The following TIGAR variants were observed in gnomAD, a reference collection of about 807,000 sequenced individuals.
TIGAR encodes TP53 induced glycolysis regulatory phosphatase, also known as fructose-2,6-bisphosphatase TIGAR.
TIGAR carries 7 observed loss-of-function variants against 17.9 expected under a neutral mutation model. That is an observed-to-expected ratio of 0.39 (90% CI 0.22 to 0.73). The LOEUF is 0.73. Ranked by LOEUF, TIGAR falls within the 30% of genes least tolerant of loss-of-function variation. The pLI, the probability that TIGAR is intolerant of heterozygous loss-of-function variation, is 0.42. For missense variants in TIGAR, 258 were observed against 327.4 expected, an observed-to-expected ratio of 0.79 and a Z score of 1.64; for synonymous variants, 94 against 108.6, an observed-to-expected ratio of 0.87 and a Z score of 0.84.
Position 4,356,379 on chromosome 12 carries a change from T to G in TIGAR, c.*3688T>G, listed in dbSNP as rs1247066838. Among the ~76,000 whole-genome samples the G allele has an allele frequency of 6.6e-6, 1 of 152,120 alleles. No individual in the cohort carries two copies. The highest frequency in any genetic ancestry group is 1.5e-5 in the Non-Finnish European group (1 of 68,040). Reference sequence around the variant, plus strand: ...TTTTATTTGTAATATTTTCCCGGTTTTTGATTGTTTTTTAACAAATGAATT... The same window carrying G: ...TTTTATTTGTAATATTTTCCCGGTTGTTGATTGTTTTTTAACAAATGAATT... On this transcript the variant is annotated 3_prime_UTR_variant, in exon 6 of 6. Transcript: ENST00000179259.
At chr12:4,326,442 A>G (rs1864546959) in intron 1 of TIGAR, among the ~76,000 whole-genome samples, 1 of 152,234 alleles carries the variant, frequency 6.6e-6, no homozygotes, top group Non-Finnish European at 1.5e-5. Flanking sequence ...ACAACTAAAT[A>G]TTTATGAAAG....
At chr12:4,340,681 C>T (rs939064276) in intron 3 of TIGAR, among the ~76,000 whole-genome samples, 1 of 152,184 alleles carries the variant, frequency 6.6e-6, no homozygotes, top group African/African-American at 2.4e-5. Context: ...TAGCATGGTA[C>T]TGACATAAAA....
intron 1 of TIGAR, among the ~76,000 whole-genome samples, chr12:4,330,571 T>C (rs1170274375): frequency 6.6e-6 from 1 of 152,246 alleles, no homozygotes; most frequent in African/African-American, 2.4e-5. Context: ...TCCTGCTGTC[T>C]GTCCAGTCTT....
At chr12:4,339,946 C>G (rs1280589017) in intron 3 of TIGAR, among the ~76,000 whole-genome samples, 1 of 152,202 alleles carries the variant, frequency 6.6e-6, no homozygotes, top group African/African-American at 2.4e-5. Context: ...ATGCAATAGA[C>G]CCACAGCTTA....
chr12:4,341,867 C>T (rs866284954), intron 3 of TIGAR, among the ~76,000 whole-genome samples: 21 of 152,200 alleles, frequency 1.4e-4, no homozygotes, highest in Middle Eastern at 3.2e-3. Context: ...TCACCAGCAA[C>T]GGAACAAAGC....
intron 2 of TIGAR, among the ~76,000 whole-genome samples, 168 bp from the exon 3 acceptor site, chr12:4,336,871 A>C (rs4765778): frequency 0.96 from 145,789 of 152,300 alleles, 70,102 homozygotes; most frequent in East Asian, 1. Context: ...TAAAGACTTA[A>C]AACTTATTTT....
chr12:4,357,396 T>C lies in TIGAR; in HGVS notation c.*4705T>C, dbSNP rs569114475. Among the ~76,000 whole-genome samples the C allele has an allele frequency of 2.0e-5, 3 of 152,184 alleles. No homozygotes were observed. The highest frequency in any genetic ancestry group is 4.4e-5 in the Non-Finnish European group (3 of 68,036). ...AGATGCAAAGGAAAGAAGTATTCAG[T>C]AGAGCGGTGGTGCTGGGCTGAGTAC... is the stretch of plus-strand genomic sequence containing the variant. On this transcript the variant is annotated 3_prime_UTR_variant, in exon 6 of 6. Transcript: ENST00000179259.
At chr12:4,337,811 T>G (rs1429331517) in intron 3 of TIGAR, among the ~76,000 whole-genome samples, 1 of 152,122 alleles carries the variant, frequency 6.6e-6, no homozygotes, top group Non-Finnish European at 1.5e-5. Context: ...TTGTTAGAAA[T>G]ATCTTCAGGG....
intron 2 of TIGAR, among the ~76,000 whole-genome samples, chr12:4,332,550 C>T (rs2077034851): frequency 6.6e-6 from 1 of 152,118 alleles, no homozygotes; most frequent in South Asian, 2.1e-4. Flanking sequence ...GGCCTCAAGG[C>T]TTATATATTC....
In TIGAR at chr12:4,355,517, A is replaced by G. The variant is rs1386404975; in HGVS notation, c.*2826A>G. Among the ~76,000 whole-genome samples the G allele has an allele frequency of 6.6e-6, 1 of 152,182 alleles. No homozygotes were observed. Among genetic ancestry groups the G allele is most frequent in the Non-Finnish European group, 1.5e-5 (1 of 68,044 alleles). ...TTCTTCCATATAAATTTTGGAATCA[A>G]TTGGTCAATTTCCAGAAAAATTCTG... On this transcript the variant is annotated 3_prime_UTR_variant, in exon 6 of 6. Transcript: ENST00000179259.
Position 4,349,914 on chromosome 12 carries a change from A to G in TIGAR, c.270+18A>G. The stretch of plus-strand genomic sequence containing the variant: ...GGGAAAGGGTGAGTAACTTATTTAC[A>G]TATTGTTCTTCCCCATAAATTATCA... On this transcript the variant is annotated intron_variant, in intron 4 of 5. Transcript: ENST00000179259. The G allele has an allele frequency of 6.6e-7, 1 of 1,513,248 alleles. No individual in the cohort carries two copies. The highest frequency in any genetic ancestry group is 1.7e-4 in the Middle Eastern group (1 of 5,828). The allele number at this position is 1,513,248 out of a possible 1,614,324, so 93.7% of individuals were successfully genotyped here.
At chr12:4,331,455 A>G (rs902076361) in intron 2 of TIGAR, 138 bp downstream of exon 2, 3 of 802,986 alleles carry the variant, frequency 3.7e-6, no homozygotes, top group Non-Finnish European at 6.3e-6. Context: ...AAGCATCATA[A>G]CCACAGAAAT....
intron 1 of TIGAR, among the ~76,000 whole-genome samples, chr12:4,327,750 C>T (rs1341047729): frequency 6.6e-6 from 1 of 152,170 alleles, no homozygotes; most frequent in East Asian, 1.9e-4. Context: ...TCACTGCAGC[C>T]TCCGCCTCCT....
chr12:4,321,449 G>C lies in TIGAR; in HGVS notation c.32+146G>C. On this transcript the variant is annotated intron_variant, in intron 1 of 5. Coordinates refer to ENST00000179259, the MANE Select transcript of TIGAR (RefSeq NM_020375.3). This position sits in a 1 kb window ranked among gnomAD's most constrained non-coding sequence, Gnocchi z 5.2. ...GGCTTGGAAGCGCTTTTTCCGGGGC[G>C]CTTGCCCTGGGGCCGTCCCGTGTCG... is the stretch of plus-strand genomic sequence containing the variant. 1.7e-6 allele frequency: 2 copies of C among 1,194,588 alleles called. No individual in the cohort carries two copies. The highest frequency in any genetic ancestry group is 5.2e-5 in the East Asian group (2 of 38,384). The allele number at this position is 1,194,588 out of a possible 1,614,324, so 74.0% of individuals were successfully genotyped here.
intron 2 of TIGAR, among the ~76,000 whole-genome samples, chr12:4,331,840 C>T (rs1339165631): frequency 6.6e-6 from 1 of 152,152 alleles, no homozygotes; most frequent in African/African-American, 2.4e-5. Flanking sequence ...TCCAGCTAGT[C>T]TGGCTTTTTA....
chr12:4,344,717 G>T (rs1864761406), intron 3 of TIGAR, among the ~76,000 whole-genome samples: 1 of 152,078 alleles, frequency 6.6e-6, no homozygotes, highest in African/African-American at 2.4e-5. Context: ...ATATTGATGG[G>T]AGCTCTCTCA....
chr12:4,333,948 G>A (rs1316608251), intron 2 of TIGAR, among the ~76,000 whole-genome samples: 3 of 151,862 alleles, frequency 2.0e-5, no homozygotes, highest in South Asian at 2.1e-4. Context: ...CTTTATTCTG[G>A]TCACTGATGT....
rs1864855702 is a variant in TIGAR at position 4,353,078 on chromosome 12, A to G, written c.*387A>G. Reference sequence around the variant, plus strand: ...TAGTATCTCATCCAGTGCTTAGAAGAAAGAATGGTTTATAATTCCCAGTAC... The same window carrying G: ...TAGTATCTCATCCAGTGCTTAGAAGGAAGAATGGTTTATAATTCCCAGTAC... On this transcript the variant is annotated 3_prime_UTR_variant, in exon 6 of 6. Coordinates refer to ENST00000179259, the MANE Select transcript of TIGAR (RefSeq NM_020375.3). 1 of 170,146 alleles carries G rather than the reference A, an allele frequency of 5.9e-6. No homozygotes were observed. Among genetic ancestry groups the G allele is most frequent in the Non-Finnish European group, 1.2e-5 (1 of 80,322 alleles). 10.5% of individuals were successfully genotyped at this position (170,146 alleles called of 1,614,324 possible). A position where few individuals can be genotyped will look rare whatever the true frequency, so the allele number is the denominator to read the frequency against.
intron 1 of TIGAR, among the ~76,000 whole-genome samples, chr12:4,327,830 G>A (rs1426282555): frequency 6.6e-6 from 1 of 152,072 alleles, no homozygotes; most frequent in East Asian, 1.9e-4. Flanking sequence ...ACCACGCCCA[G>A]CTAATTTTTG....
Sources: gnomAD v4.1 joint callset for allele counts (sites outside exome capture counted in the v4.1 genomes callset) on GRCh38, gnomAD v4.1.1 for gene constraint, Gnocchi (gnomAD v3.1) non-coding constraint, MANE v1.5 for transcripts, NCBI Gene and HGNC (gene_info 2026-07-23, HGNC 2026-07-21) for gene names.